The following GCM1 variants were observed in gnomAD, a reference collection of about 807,000 sequenced individuals.
GCM1 encodes chorion-specific transcription factor GCMa.
In GCM1, 2 loss-of-function variants were observed where a neutral mutation model predicts 25.7. That is an observed-to-expected ratio of 0.08 (90% confidence interval 0.03 to 0.24). The LOEUF is 0.24. Ranked by LOEUF, GCM1 falls within the 10% of genes least tolerant of loss-of-function variation. The pLI, the probability that GCM1 is intolerant of heterozygous loss-of-function variation, is 1.00. For missense variants in GCM1, 395 were observed against 538.7 expected, an observed-to-expected ratio of 0.73 and a Z score of 2.64; for synonymous variants, 183 against 195.7, an observed-to-expected ratio of 0.94 and a Z score of 0.54.
At chr6:53,138,814 T>A (rs2127509649) in intron 2 of GCM1, among the ~76,000 whole-genome samples, 1 of 152,310 alleles carries the variant, frequency 6.6e-6, no homozygotes, top group East Asian at 1.9e-4. Context: ...TATAATTTTT[T>A]ACTAACAGAT....
At chr6:53,145,193 GGTT>G (rs1318538202) in intron 2 of GCM1, among the ~76,000 whole-genome samples, 1 of 152,142 alleles carries the variant, frequency 6.6e-6, no homozygotes, top group Non-Finnish European at 1.5e-5. Flanking sequence ...TAGCAAATAA[GGTT>G]GTATGAGGAC....
At chr6:53,130,986 T>A in intron 4 of GCM1, 55 bp from the exon 5 acceptor site, 1 of 1,505,158 alleles carries the variant, frequency 6.6e-7, no homozygotes, top group East Asian at 2.3e-5. Context: ...CTAGACTGTG[T>A]TTCATGGTGT....
At chr6:53,135,863 G>A (rs1192626653) in intron 2 of GCM1, among the ~76,000 whole-genome samples, 1 of 152,228 alleles carries the variant, frequency 6.6e-6, no homozygotes, top group Non-Finnish European at 1.5e-5. Context: ...CATTTACTGA[G>A]TTAGAATTCA....
At chr6:53,148,011 A>T (rs914407882) in intron 1 of GCM1, among the ~76,000 whole-genome samples, 4 of 152,218 alleles carry the variant, frequency 2.6e-5, no homozygotes, top group Non-Finnish European at 5.9e-5. Flanking sequence ...ACTGAGCTAC[A>T]ACCTAGTGGT....
At chr6:53,133,121 T>C (rs981404053) in intron 3 of GCM1, among the ~76,000 whole-genome samples, 1 of 152,228 alleles carries the variant, frequency 6.6e-6, no homozygotes, top group Non-Finnish European at 1.5e-5. Flanking sequence ...TACTTTCTTC[T>C]AAATTTTACA....
In GCM1 at chr6:53,128,544, A is replaced by G; in HGVS notation, c.973T>C (p.Cys325Arg). The change falls in exon 6 of 6, where the codon TGC becomes CGC. Residue 325 changes from cysteine to arginine, a missense_variant. Coordinates refer to ENST00000259803, the MANE Select transcript of GCM1 (RefSeq NM_003643.4). ...GAGTTTTGGGAAGGAGAGAAGCTGC[A>G]AGGCCAGCTGGTCAGAGGAAAAGGA... ...NYPFPLTSWP[C>R]SFSPSQNSSE... The G allele has an allele frequency of 6.2e-7, 1 of 1,613,982 alleles. No homozygotes were observed. Among genetic ancestry groups the G allele is most frequent in the Non-Finnish European group, 8.5e-7 (1 of 1,179,868 alleles).
At position 53,128,875 on chromosome 6, in the gene GCM1, C is replaced by T. The variant is rs1253606094; in HGVS notation, c.642G>A (p.Leu214=). The change falls in exon 6 of 6, where the codon TTG becomes TTA. Residue 214 remains leucine, a synonymous_variant. Coordinates refer to ENST00000259803, the MANE Select transcript of GCM1 (RefSeq NM_003643.4). The part of the protein sequence containing the change: ...LTWSFQEGVQ[L]PGSYSGHLIA... Reference sequence around the variant, plus strand: ...TTAAATGTCCACTGTAACTACCAGGCAATTGGACGCCTTCCTGGAAAGACC... The same window carrying T: ...TTAAATGTCCACTGTAACTACCAGGTAATTGGACGCCTTCCTGGAAAGACC... 5 of 1,610,230 alleles carry T rather than the reference C, an allele frequency of 3.1e-6. No individual in the cohort carries two copies. The African/African-American group carries it at 6.7e-5, about 22-fold the overall frequency.
At chr6:53,131,778 CT>C (rs1451780788) in intron 4 of GCM1, among the ~76,000 whole-genome samples, 1 of 152,204 alleles carries the variant, frequency 6.6e-6, no homozygotes, top group Non-Finnish European at 1.5e-5. Flanking sequence ...CTCAGTGTGA[CT>C]AGATTAGCTG....
At chr6:53,132,693 CAG>C (rs1219874897) in intron 3 of GCM1, among the ~76,000 whole-genome samples, 1 of 152,132 alleles carries the variant, frequency 6.6e-6, no homozygotes, top group Non-Finnish European at 1.5e-5. Flanking sequence ...GCTTGGGTGA[CAG>C]AGTGAAAGTC....
chr6:53,132,745 A>G (rs748092475), intron 3 of GCM1, among the ~76,000 whole-genome samples: 142 of 152,294 alleles, frequency 9.3e-4, no homozygotes, highest in Non-Finnish European at 1.6e-3. Context: ...TCACTTCACA[A>G]TTAGAACTAA....
At chr6:53,146,178 A>G (rs902533176) in intron 1 of GCM1, among the ~76,000 whole-genome samples, 2 of 147,704 alleles carry the variant, frequency 1.4e-5, no homozygotes, top group African/African-American at 4.9e-5. Context: ...TTTATCTAGG[A>G]AAATACATAT....
chr6:53,137,877 C>CTGAT (rs1362313457), intron 2 of GCM1, among the ~76,000 whole-genome samples: 1 of 152,152 alleles, frequency 6.6e-6, no homozygotes, highest in Non-Finnish European at 1.5e-5. Flanking sequence ...CTCAGATGTT[C>CTGAT]TGATTAAAGC....
chr6:53,128,956 A>C lies in GCM1; in HGVS notation c.571-10T>G. 1 of 1,607,140 alleles carries C rather than the reference A, an allele frequency of 6.2e-7. No homozygotes were observed. Among genetic ancestry groups the C allele is most frequent in the African/African-American group, 1.3e-5 (1 of 74,754 alleles). ...TTTCACCTGGAAGAGACTGGAAAGG[A>C]AAGTGAAATGCTCGTGTTAATAAGT... On this transcript the variant is annotated splice_polypyrimidine_tract_variant and intron_variant, in intron 5 of 5. Coordinates refer to ENST00000259803, the MANE Select transcript of GCM1 (RefSeq NM_003643.4).
chr6:53,140,130 T>C (rs1187816940), intron 2 of GCM1, among the ~76,000 whole-genome samples: 1 of 152,092 alleles, frequency 6.6e-6, no homozygotes, highest in African/African-American at 2.4e-5. Context: ...GGAGCCCATA[T>C]AGGTAGAGCT....
intron 1 of GCM1, among the ~76,000 whole-genome samples, chr6:53,146,204 A>C (rs9382177): frequency 2.2e-5 from 1 of 45,408 alleles, no homozygotes; most frequent in Admixed American, 2.2e-4. Flanking sequence ...TTATATATAT[A>C]TATATATATA....
Position 53,145,730 on chromosome 6 carries a change from C to T in GCM1, c.-98G>A, listed in dbSNP as rs2127511318. On this transcript the variant is annotated 5_prime_UTR_variant, in exon 2 of 6. Coordinates refer to ENST00000259803, the MANE Select transcript of GCM1 (RefSeq NM_003643.4). ...AGGTTCTTGATATAGCTGGATCGGC[C>T]CACTCAAGCACCTTGGACCAGGAGA... The T allele has an allele frequency of 5.5e-6, 4 of 727,850 alleles. No homozygotes were observed. The highest frequency in any genetic ancestry group is 2.4e-4 in the Middle Eastern group (1 of 4,210). 45.1% of individuals were successfully genotyped at this position (727,850 alleles called of 1,614,324 possible).
At chr6:53,138,828 A>T (rs1763835388) in intron 2 of GCM1, among the ~76,000 whole-genome samples, 1 of 152,182 alleles carries the variant, frequency 6.6e-6, no homozygotes, top group South Asian at 2.1e-4. Context: ...AACAGATTTA[A>T]TCCTCTAACT....
intron 5 of GCM1, among the ~76,000 whole-genome samples, chr6:53,130,231 T>C (rs1280004512): frequency 6.6e-6 from 1 of 152,142 alleles, no homozygotes; most frequent in East Asian, 1.9e-4. Flanking sequence ...GGAACTACTA[T>C]CAATATTAAA....
intron 2 of GCM1, among the ~76,000 whole-genome samples, chr6:53,142,051 AAAG>A (rs1763883035): frequency 7.5e-6 from 1 of 133,874 alleles, no homozygotes; most frequent in Non-Finnish European, 1.6e-5. Flanking sequence ...ACAGAAAGAA[AAAG>A]AAAGAAAGAA....
Sources: gnomAD v4.1 joint callset for allele counts (sites outside exome capture counted in the v4.1 genomes callset) on GRCh38, gnomAD v4.1.1 for gene constraint, MANE v1.5 for transcripts, NCBI Gene and HGNC (gene_info 2026-07-23, HGNC 2026-07-21) for gene names.